Variants in G3BP2 observed in about 807,000 individuals in gnomAD.
The protein encoded by G3BP2 is G3BP stress granule assembly factor 2.
Under a neutral mutation model 56.7 loss-of-function variants are expected in G3BP2, and 11 were observed. The ratio of observed to expected loss-of-function variants is 0.19; its 90% CI spans 0.12 to 0.32. The LOEUF is 0.32. G3BP2 is among the 10% of genes least tolerant of loss of function. G3BP2 has a pLI of 1.00. For synonymous variants in G3BP2, 165 were observed against 191.6 expected, an observed-to-expected ratio of 0.86 and a Z score of 1.15; for missense variants, 340 against 610.9, an observed-to-expected ratio of 0.56 and a Z score of 4.67.
intron 1 of G3BP2, chr4:75,724,062 T>A (rs1282548877): frequency 6.6e-6 from 1 of 152,162 alleles, no homozygotes; most frequent in Admixed American, 6.6e-5. Context: ...GTACCTGGTG[T>A]TTAGATCTAG....
chr4:75,699,123 C>T (rs1223516543), intron 3 of G3BP2, among the ~76,000 whole-genome samples: 1 of 152,170 alleles, frequency 6.6e-6, no homozygotes, highest in Non-Finnish European at 1.5e-5. Flanking sequence ...ACCTCAAGAA[C>T]ATTGCTTCTG....
At chr4:75,710,965 T>C (rs1370560774) in intron 3 of G3BP2, among the ~76,000 whole-genome samples, 5 of 152,116 alleles carry the variant, frequency 3.3e-5, no homozygotes, top group Non-Finnish European at 4.4e-5. Context: ...TGCCTGGCCC[T>C]GTCTGGCTTT....
chr4:75,658,645 T>A (rs1227198368), intron 3 of G3BP2, among the ~76,000 whole-genome samples, 198 bp downstream of exon 3: 1 of 151,558 alleles, frequency 6.6e-6, no homozygotes, highest in Non-Finnish European at 1.5e-5. Context: ...GAGAACTGCT[T>A]GAACCTGGGA....
chr4:75,665,327 A>T (rs1732922118), intron 1 of G3BP2, among the ~76,000 whole-genome samples: 1 of 152,250 alleles, frequency 6.6e-6, no homozygotes, highest in African/African-American at 2.4e-5. Context: ...TGCTTTCAAA[A>T]ATAGTTAATT....
intron 8 of G3BP2, 104 bp from the exon 9 acceptor site, chr4:75,648,845 A>T: frequency 1.6e-6 from 1 of 643,790 alleles, no homozygotes. Context: ...AGTAGTTTTA[A>T]GTTTAGAATG....
chr4:75,653,589 T>TAA (rs11422883), intron 8 of G3BP2, among the ~76,000 whole-genome samples: 2,402 of 121,450 alleles, frequency 0.02, 54 homozygotes, highest in African/African-American at 0.045. Context: ...TTTTTTGCTT[T>TAA]AAAAAAAAAA....
chr4:75,690,028 A>G (rs1193418337), intron 3 of G3BP2, among the ~76,000 whole-genome samples: 1 of 152,174 alleles, frequency 6.6e-6, no homozygotes, highest in Admixed American at 6.5e-5. Flanking sequence ...TTAATCTGTA[A>G]ACTTATGGTT....
At chr4:75,652,569 CTAAGA>C (rs1731777717) in intron 8 of G3BP2, among the ~76,000 whole-genome samples, 1 of 152,098 alleles carries the variant, frequency 6.6e-6, no homozygotes, top group African/African-American at 2.4e-5. Context: ...TTGCAGTGAG[CTAAGA>C]TAACGCCACT....
chr4:75,648,285 T>C (rs1326126701), intron 9 of G3BP2, among the ~76,000 whole-genome samples: 1 of 150,174 alleles, frequency 6.7e-6, no homozygotes, highest in Non-Finnish European at 1.5e-5. Flanking sequence ...GAGACAGAGG[T>C]TGCAGTGAGC....
At chr4:75,693,506 G>C (rs1718960487) in intron 3 of G3BP2, among the ~76,000 whole-genome samples, 1 of 150,374 alleles carries the variant, frequency 6.7e-6, no homozygotes, top group Non-Finnish European at 1.5e-5. Flanking sequence ...AAGAGTTGGA[G>C]TCTGCCAGGC....
rs1260042079 is a variant in G3BP2, at chr4:75,645,468, C to T, written c.1411G>A (p.Gly471Arg). 3.1e-6 allele frequency: 5 copies of T among 1,614,110 alleles called. No individual in the cohort carries two copies. Among genetic ancestry groups the T allele is most frequent in the South Asian group, 1.1e-5 (1 of 91,078 alleles). Reference protein sequence around the residue: ...AQKLGSGRGTGQMEGRFTGQR... With the variant: ...AQKLGSGRGTRQMEGRFTGQR... ...CCTGTGAAGCGGCCCTCCATTTGCC[C>T]GGTTCCTCTTCCAGAGCCAAGTTTC... The change falls in exon 12 of 12, where the codon GGG (glycine) becomes AGG (arginine). Residue 471 changes from glycine (G) to arginine (R), a missense_variant. Coordinates refer to ENST00000359707, the MANE Select transcript of G3BP2 (RefSeq NM_203505.3).
chr4:75,659,563 CAA>C (rs1211139347), intron 2 of G3BP2, among the ~76,000 whole-genome samples: 1 of 152,118 alleles, frequency 6.6e-6, no homozygotes, highest in Non-Finnish European at 1.5e-5. Flanking sequence ...AAATTAAGCT[CAA>C]AGATGTGAAG....
chr4:75,694,682 G>T, intron 3 of G3BP2: 1 of 753,146 alleles, frequency 1.3e-6, no homozygotes. Flanking sequence ...CGGTTGCAGT[G>T]AGCCAAGATG....
rs759079919 is a variant in G3BP2, at chr4:75,648,741, G to C, written c.826C>G (p.Pro276Ala). ...PPHVKAPVSQ[P>A]RVEAKPEVQS... ...ACTTCTGGTTTAGCTTCGACTCTTG[G>C]CTAAAATATAAAGAAAAAAAAACAT... The change falls in exon 9 of 12, where the codon CCA becomes GCA. Residue 276 changes from proline to alanine, a missense_variant and splice_region_variant. Coordinates refer to ENST00000359707, the MANE Select transcript of G3BP2 (RefSeq NM_203505.3). 1.9e-6 allele frequency: 3 copies of C among 1,583,970 alleles called. No individual in the cohort carries two copies. In the South Asian group the frequency reaches 3.4e-5, roughly 18 times the overall value.
chr4:75,645,172 G>T lies in G3BP2; in HGVS notation c.*258C>A. The T allele has an allele frequency of 2.1e-6, 1 of 470,566 alleles. No homozygotes were observed. Among genetic ancestry groups the T allele is most frequent in the Non-Finnish European group, 3.7e-6 (1 of 267,124 alleles). The allele number at this position is 470,566 out of a possible 1,614,324, so 29.1% of individuals were successfully genotyped here. A position where few individuals can be genotyped will look rare whatever the true frequency, so the allele number is the denominator to read the frequency against. On this transcript the variant is annotated 3_prime_UTR_variant, in exon 12 of 12. Transcript: ENST00000359707. ...GGGCATGTCCTTTTAAGTTCACTTTGTCGTAGATAGTTTAAGATATGGTCA... is the reference window on the plus strand; with the variant it reads ...GGGCATGTCCTTTTAAGTTCACTTTTTCGTAGATAGTTTAAGATATGGTCA...
intron 3 of G3BP2, among the ~76,000 whole-genome samples, chr4:75,691,343 G>A (rs1469747731): frequency 6.6e-6 from 1 of 152,156 alleles, no homozygotes; most frequent in African/African-American, 2.4e-5. Flanking sequence ...GCCTCCCAAA[G>A]TGCTGGGATT....
chr4:75,675,553 A>G (rs1828629), upstream of G3BP2, among the ~76,000 whole-genome samples: 133,291 of 152,210 alleles, frequency 0.88, 58,387 homozygotes, highest in East Asian at 0.92. Context: ...AGCACTTTGG[A>G]AGGCCGAGGG....
intron 3 of G3BP2, among the ~76,000 whole-genome samples, chr4:75,713,780 C>T (rs1260027495): frequency 1.3e-5 from 2 of 152,064 alleles, no homozygotes; most frequent in African/African-American, 4.8e-5. Context: ...CACAGTAAGA[C>T]CCCATCTCAA....
At chr4:75,649,873 T>C (rs1731538232) in intron 8 of G3BP2, among the ~76,000 whole-genome samples, 1 of 151,834 alleles carries the variant, frequency 6.6e-6, no homozygotes, top group African/African-American at 2.4e-5. Context: ...TAGCTGGGTG[T>C]GGTGGCAGGC....
Sources: allele counts gnomAD v4.1 joint callset (sites outside exome capture counted in the v4.1 genomes callset), GRCh38; gene constraint gnomAD v4.1.1; transcripts MANE v1.5; gene names NCBI Gene and HGNC (gene_info 2026-07-23, HGNC 2026-07-21).